Variants in CREB5 observed in about 807,000 individuals in gnomAD.
CREB5 encodes cyclic AMP-responsive element-binding protein 5.
A neutral mutation model predicts 57.1 loss-of-function variants in CREB5; 19 were observed. That is an observed-to-expected ratio of 0.33 (90% confidence interval 0.23 to 0.49). The LOEUF (loss-of-function observed/expected upper bound fraction) is 0.49, where lower values mean the gene tolerates loss of function less well. Ranked by LOEUF, CREB5 falls within the 20% of genes least tolerant of loss-of-function variation. CREB5 has a pLI of 0.99. For synonymous variants in CREB5, 238 were observed against 238.3 expected, an observed-to-expected ratio of 1.00 and a Z score of 0.01; for missense variants, 579 against 671.6, an observed-to-expected ratio of 0.86 and a Z score of 1.52.
intron 1 of CREB5, among the ~76,000 whole-genome samples, chr7:28,425,837 A>G (rs1788489135): frequency 6.6e-6 from 1 of 152,106 alleles, no homozygotes; most frequent in African/African-American, 2.4e-5. Flanking sequence ...ACATTTTCCA[A>G]CTGCGCCTTT....
At position 28,363,797 on chromosome 7, in the gene CREB5, C is replaced by T. The variant is rs978931596; in HGVS notation, c.-25+64356C>T. Among the ~76,000 whole-genome samples, 3 of 152,188 alleles carry T rather than the reference C, an allele frequency of 2.0e-5. No homozygotes were observed. The East Asian group carries it at 5.8e-4, about 29-fold the overall frequency. On this transcript the variant is annotated intron_variant, in intron 1 of 9. Coordinates refer to the CREB5 transcript ENST00000396299. ...AGGGGACTCCAGAATGCTACTTAAT[C>T]TCTCTGAAACCCTTTGTTCTCATCT...
intron 1 of CREB5, among the ~76,000 whole-genome samples, chr7:28,487,478 A>G (rs766363106): frequency 2.0e-5 from 3 of 152,222 alleles, no homozygotes; most frequent in Admixed American, 6.5e-5. Flanking sequence ...TCAGCTTATA[A>G]AGCCAAATTA....
intron 5 of CREB5, among the ~76,000 whole-genome samples, chr7:28,637,993 A>G (rs1275814144): frequency 2.0e-5 from 3 of 152,142 alleles, no homozygotes; most frequent in Non-Finnish European, 4.4e-5. Flanking sequence ...TGGTGACTTA[A>G]TATGCATCTT....
chr7:28,676,167 G>A (rs758184795), intron 5 of CREB5, among the ~76,000 whole-genome samples: 4 of 152,072 alleles, frequency 2.6e-5, no homozygotes, highest in Admixed American at 6.6e-5. Flanking sequence ...TAGTTAGGAG[G>A]CCTCTTTGCT....
intron 7 of CREB5, among the ~76,000 whole-genome samples, chr7:28,725,645 TAAAA>T (rs1554291840): frequency 1.7e-4 from 19 of 112,372 alleles, no homozygotes; most frequent in Non-Finnish European, 2.5e-4. Context: ...TATCTTTTTT[TAAAA>T]AAAAAAAAAA....
intron 5 of CREB5, among the ~76,000 whole-genome samples, chr7:28,675,381 T>C (rs183610445): frequency 1.9e-3 from 289 of 152,310 alleles, no homozygotes; most frequent in South Asian, 3.5e-3. Context: ...GCATCTTTTG[T>C]CCTGGTGTTT....
rs532296859 is a variant in CREB5 at position 28,317,633 on chromosome 7, T to A, written c.-25+18192T>A. 9.2e-5 allele frequency among the ~76,000 whole-genome samples: 14 copies of A among 152,370 alleles called. No individual in the cohort carries two copies. In the South Asian group the frequency reaches 2.9e-3, roughly 32 times the overall value. ...GTAATTTGGGGCATATTCATTTACT[T>A]GTTTGATTCCTATTTATCTTCTTCC... On this transcript the variant is annotated intron_variant, in intron 1 of 9. Coordinates refer to the CREB5 transcript ENST00000396299.
intron 1 of CREB5, among the ~76,000 whole-genome samples, chr7:28,431,222 C>G (rs1326581329): frequency 6.6e-6 from 1 of 152,174 alleles, no homozygotes; most frequent in Non-Finnish European, 1.5e-5. Context: ...TGGGTTTAGC[C>G]AGTACCTATG....
intron 1 of CREB5, among the ~76,000 whole-genome samples, chr7:28,424,432 A>G (rs773282344): frequency 6.6e-6 from 1 of 152,230 alleles, no homozygotes; most frequent in Admixed American, 6.5e-5. Flanking sequence ...TAAACCTCAG[A>G]TAGATCCCTG....
At chr7:28,411,612 A>C (rs1443877594), upstream of CREB5, among the ~76,000 whole-genome samples, 2 of 152,184 alleles carry the variant, frequency 1.3e-5, no homozygotes, top group Non-Finnish European at 2.9e-5. Flanking sequence ...AATTTAAAAA[A>C]GTATTAACAG....
chr7:28,662,624 A>G (rs1257419595), intron 5 of CREB5, among the ~76,000 whole-genome samples: 1 of 152,110 alleles, frequency 6.6e-6, no homozygotes, highest in African/African-American at 2.4e-5. Flanking sequence ...CTCAACCCCC[A>G]ATTCCAGCTC....
chr7:28,740,054 G>A (rs958350037), intron 7 of CREB5, among the ~76,000 whole-genome samples: 2 of 152,102 alleles, frequency 1.3e-5, no homozygotes, highest in East Asian at 1.9e-4. Context: ...GCATTAGGTG[G>A]CTGAAAAAAG....
At chr7:28,409,728 C>G (rs572444426), upstream of CREB5, 1 of 342,852 alleles carries the variant, frequency 2.9e-6, no homozygotes, top group East Asian at 9.6e-5. This position sits in a 1 kb window ranked among gnomAD's most constrained non-coding sequence, Gnocchi z 4.4. Context: ...CTAGAGACCC[C>G]GCGCCGCGTG....
chr7:28,692,596 C>T (rs1801332825), intron 5 of CREB5, among the ~76,000 whole-genome samples: 1 of 152,172 alleles, frequency 6.6e-6, no homozygotes, highest in African/African-American at 2.4e-5. Flanking sequence ...TCTATCTTCT[C>T]TGTAAATTGA....
intron 6 of CREB5, 81 bp downstream of exon 6, chr7:28,718,960 A>G: frequency 3.8e-6 from 6 of 1,590,440 alleles, no homozygotes; most frequent in Non-Finnish European, 1.7e-6. Context: ...GGAAACTCTG[A>G]GATCCAAGCT....
chr7:28,540,225 A>G lies in CREB5; in HGVS notation c.292-30140A>G, dbSNP rs73684397. ...TCCTAAATCTCCTTGGGTGCCCTGTAAATCCACAATTTGAAATTTATTCTT... is the reference window on the plus strand; with the variant it reads ...TCCTAAATCTCCTTGGGTGCCCTGTGAATCCACAATTTGAAATTTATTCTT... On this transcript the variant is annotated intron_variant, in intron 4 of 10. Coordinates refer to ENST00000357727, the MANE Select transcript of CREB5 (RefSeq NM_182898.4). 2.5e-3 allele frequency among the ~76,000 whole-genome samples: 380 copies of G among 152,344 alleles called. 4 individuals are homozygous for G. Among genetic ancestry groups the G allele is most frequent in the African/African-American group, 8.5e-3 (353 of 41,588 alleles).
intron 5 of CREB5, among the ~76,000 whole-genome samples, chr7:28,699,387 G>A (rs547738932): frequency 1.3e-5 from 2 of 152,250 alleles, no homozygotes; most frequent in East Asian, 3.9e-4. Flanking sequence ...TTCTATGCTG[G>A]AAGTCATGGA....
rs969032384 is a variant in CREB5 at position 28,528,497 on chromosome 7, G to A, written c.291+20760G>A. 3.3e-5 allele frequency among the ~76,000 whole-genome samples: 5 copies of A among 152,094 alleles called. No homozygotes were observed. The East Asian group carries it at 9.6e-4, about 29-fold the overall frequency. Reference sequence around the variant, plus strand: ...AGGCGGGAGGATCAGCTGAGGTTGGGAGTTGGAGACCAGCCTGACCAACAT... The same window carrying A: ...AGGCGGGAGGATCAGCTGAGGTTGGAAGTTGGAGACCAGCCTGACCAACAT... On this transcript the variant is annotated intron_variant, in intron 4 of 10. Transcript: ENST00000357727.
chr7:28,383,757 C>A (rs920924690), intron 1 of CREB5, among the ~76,000 whole-genome samples: 1 of 152,154 alleles, frequency 6.6e-6, no homozygotes, highest in African/African-American at 2.4e-5. Flanking sequence ...GGGATTACAA[C>A]TGGACATGCG....
Sources: allele counts gnomAD v4.1 joint callset (sites outside exome capture counted in the v4.1 genomes callset), GRCh38; gene constraint gnomAD v4.1.1; non-coding constraint Gnocchi (gnomAD v3.1); transcripts MANE v1.5; gene names NCBI Gene and HGNC (gene_info 2026-07-23, HGNC 2026-07-21).